Variants in SOX5 observed in about 807,000 individuals in gnomAD.
SOX5 encodes SRY-box transcription factor 5.
A neutral mutation model predicts 92.0 loss-of-function variants in SOX5; 9 were observed. The ratio of observed to expected loss-of-function variants is 0.10; its 90% CI spans 0.06 to 0.17. The LOEUF is 0.17. Ranked by LOEUF, SOX5 falls within the 10% of genes least tolerant of loss-of-function variation. The pLI is 1.00. For missense variants in SOX5, 642 were observed against 944.5 expected (o/e 0.68, Z 4.20); for synonymous variants, 344 against 336.3 (o/e 1.02, Z -0.25).
rs576580061 is a variant in SOX5 at position 24,035,018 on chromosome 12, G to A, written c.-1-138994C>T. 1.8e-4 allele frequency among the ~76,000 whole-genome samples: 27 copies of A among 152,146 alleles called. No individual in the cohort carries two copies. In the South Asian group the frequency reaches 4.8e-3, roughly 27 times the overall value. ...AGTCTCCTGACAATGTGAGCTCAAAGTCTCCCAAATCCTGTTTCACATTTT... is the reference window on the plus strand; with the variant it reads ...AGTCTCCTGACAATGTGAGCTCAAAATCTCCCAAATCCTGTTTCACATTTT... On this transcript the variant is annotated intron_variant, in intron 4 of 4. Coordinates refer to the SOX5 transcript ENST00000446891.
Position 24,058,175 on chromosome 12 carries a change from C to A in SOX5, c.-2+155168G>T, listed in dbSNP as rs531338090. On this transcript the variant is annotated intron_variant, in intron 4 of 4. Transcript: ENST00000446891. ...GACCTACCTCTTAATTTTGCCATTGCCTGATAATATCCTGGCTTTGTGCTT... is the reference window on the plus strand; with the variant it reads ...GACCTACCTCTTAATTTTGCCATTGACTGATAATATCCTGGCTTTGTGCTT... 6.6e-5 allele frequency among the ~76,000 whole-genome samples: 10 copies of A among 152,350 alleles called. No individual in the cohort carries two copies. The South Asian group carries it at 1.9e-3, about 28-fold the overall frequency.
At chr12:23,946,048 G>C (rs572476007) in intron 1 of SOX5, among the ~76,000 whole-genome samples, 1 of 152,052 alleles carries the variant, frequency 6.6e-6, no homozygotes, top group African/African-American at 2.4e-5. Flanking sequence ...ACACTGAAAA[G>C]TGTCCTAATA....
intron 3 of SOX5, among the ~76,000 whole-genome samples, chr12:23,842,052 T>C (rs901401864): frequency 3.3e-5 from 5 of 152,058 alleles, no homozygotes; most frequent in Admixed American, 2.0e-4. Flanking sequence ...TAAAAATACA[T>C]GAAACAATTT....
chr12:24,460,845 C>T (rs1566220454), intron 1 of SOX5: 1 of 152,168 alleles, frequency 6.6e-6, no homozygotes. Context: ...TCCACAGAGA[C>T]TCTTCCAGAA....
At chr12:23,824,780 C>A (rs182711408) in intron 3 of SOX5, among the ~76,000 whole-genome samples, 1 of 152,306 alleles carries the variant, frequency 6.6e-6, no homozygotes, top group Admixed American at 6.5e-5. Flanking sequence ...TCAGAGACGC[C>A]CTGCTCAGAG....
At chr12:24,270,066 C>CTTT (rs35276785) in intron 3 of SOX5, among the ~76,000 whole-genome samples, 2 of 151,088 alleles carry the variant, frequency 1.3e-5, no homozygotes, top group Non-Finnish European at 3.0e-5. Context: ...GTGGGAAACT[C>CTTT]TTTTTCTTTT....
intron 4 of SOX5, among the ~76,000 whole-genome samples, chr12:24,090,837 C>G (rs1944553245): frequency 6.6e-6 from 1 of 152,150 alleles, no homozygotes; most frequent in African/African-American, 2.4e-5. Flanking sequence ...ACTGAAACAT[C>G]TGAACTGGAG....
chr12:24,324,417 G>A (rs1399273366), intron 2 of SOX5, among the ~76,000 whole-genome samples: 1 of 151,514 alleles, frequency 6.6e-6, no homozygotes, highest in Admixed American at 6.6e-5. Flanking sequence ...TCTCTTATTC[G>A]ATCTTGAAAT....
intron 4 of SOX5, among the ~76,000 whole-genome samples, chr12:23,987,336 C>T (rs1425930636): frequency 6.6e-6 from 1 of 152,202 alleles, no homozygotes; most frequent in African/African-American, 2.4e-5. Context: ...GCCAGCCATA[C>T]ACAGAGTGGT....
At chr12:24,089,955 C>G (rs1360566876) in intron 4 of SOX5, among the ~76,000 whole-genome samples, 1 of 152,088 alleles carries the variant, frequency 6.6e-6, no homozygotes, top group Non-Finnish European at 1.5e-5. Flanking sequence ...AAATGGAAAG[C>G]AGCATGTAGG....
At chr12:24,280,136 C>T (rs1287415228) in intron 2 of SOX5, among the ~76,000 whole-genome samples, 1 of 152,078 alleles carries the variant, frequency 6.6e-6, no homozygotes, top group Non-Finnish European at 1.5e-5. Flanking sequence ...GTGTCTGAAT[C>T]CTATTTACAC....
intron 6 of SOX5, among the ~76,000 whole-genome samples, chr12:23,704,783 CAAAG>C (rs1469821460): frequency 6.9e-6 from 1 of 145,506 alleles, no homozygotes; most frequent in Non-Finnish European, 1.5e-5. Flanking sequence ...TATTTCTTGT[CAAAG>C]AAAGTAATAG....
intron 3 of SOX5, among the ~76,000 whole-genome samples, chr12:23,770,296 C>T (rs1433303706): frequency 6.6e-6 from 1 of 151,948 alleles, no homozygotes; most frequent in Non-Finnish European, 1.5e-5. Context: ...CCCACCCACC[C>T]AACGCAGAGG....
intron 9 of SOX5, among the ~76,000 whole-genome samples, chr12:23,599,211 A>G (rs1013376244): frequency 7.9e-5 from 12 of 152,230 alleles, no homozygotes; most frequent in African/African-American, 2.9e-4. Flanking sequence ...GGCTCAGATA[A>G]CAATAAAGTT....
At chr12:24,466,527 T>C (rs923053454) in intron 1 of SOX5, among the ~76,000 whole-genome samples, 3 of 152,222 alleles carry the variant, frequency 2.0e-5, no homozygotes, top group Non-Finnish European at 2.9e-5. Context: ...GTAGAACACA[T>C]ACTAGTTAGT....
At chr12:24,557,254 C>T (rs1380308202) in intron 1 of SOX5, among the ~76,000 whole-genome samples, 1 of 151,646 alleles carries the variant, frequency 6.6e-6, no homozygotes, top group Non-Finnish European at 1.5e-5. Flanking sequence ...TGGGTGTGGC[C>T]GCGCATGCCT....
At chr12:24,395,899 G>T (rs1205738910) in intron 1 of SOX5, among the ~76,000 whole-genome samples, 1 of 152,158 alleles carries the variant, frequency 6.6e-6, no homozygotes, top group Non-Finnish European at 1.5e-5. Context: ...CCACTCCCCT[G>T]ACATCTCTGT....
At position 24,344,726 on chromosome 12, in the gene SOX5, C is replaced by T. The variant is rs74681925; in HGVS notation, c.-174+23837G>A. Among the ~76,000 whole-genome samples, 829 of 152,098 alleles carry T rather than the reference C, an allele frequency of 5.5e-3. 8 individuals are homozygous for T. Among genetic ancestry groups the T allele is most frequent in the African/African-American group, 0.019 (784 of 41,458 alleles). ...AGCACGCCAATGTGCTCTGAATAACCGAAAAATATTTTTGACAAAGGTCAA... is the reference window on the plus strand; with the variant it reads ...AGCACGCCAATGTGCTCTGAATAACTGAAAAATATTTTTGACAAAGGTCAA... On this transcript the variant is annotated intron_variant, in intron 2 of 4. Transcript: ENST00000446891.
At chr12:24,498,604 C>T (rs1947878968) in intron 1 of SOX5, among the ~76,000 whole-genome samples, 1 of 152,196 alleles carries the variant, frequency 6.6e-6, no homozygotes, top group South Asian at 2.1e-4. Context: ...TATATACTGA[C>T]TGCCTCCTAT....
Sources: allele counts gnomAD v4.1 joint callset (sites outside exome capture counted in the v4.1 genomes callset), GRCh38; gene constraint gnomAD v4.1.1; transcripts MANE v1.5; gene names NCBI Gene and HGNC (gene_info 2026-07-23, HGNC 2026-07-21).